The following PRKCH variants were observed in gnomAD, a reference collection of about 807,000 sequenced individuals.
PRKCH encodes the protein protein kinase C eta type.
Under a neutral mutation model 82.5 loss-of-function variants are expected in PRKCH, and 28 were observed. The observed-to-expected ratio is 0.34, with a 90% CI of 0.25 to 0.47. The LOEUF (loss-of-function observed/expected upper bound fraction) is 0.47. PRKCH is among the 20% of genes least tolerant of loss of function. PRKCH has a pLI of 1.00. For missense variants in PRKCH, 705 were observed against 881.8 expected (o/e 0.80, Z 2.54); for synonymous variants, 322 against 327.4 (o/e 0.98, Z 0.18).
intron 2 of PRKCH, among the ~76,000 whole-genome samples, chr14:61,413,414 GCCCC>G (rs375856230): frequency 0.02 from 1,128 of 57,254 alleles, 24 homozygotes; most frequent in African/African-American, 0.031. Flanking sequence ...CCCCCCCCCC[GCCCC>G]GCCCATGTAC....
In PRKCH at chr14:61,550,674, C is replaced by G. The variant is rs2043313639; in HGVS notation, c.*843C>G. The G allele has an allele frequency of 6.6e-6, 1 of 152,638 alleles. No homozygotes were observed. The highest frequency in any genetic ancestry group is 1.5e-5 in the Non-Finnish European group (1 of 68,044). The allele number at this position is 152,638 out of a possible 1,614,324, so 9.5% of individuals were successfully genotyped here. A position where few individuals can be genotyped will look rare whatever the true frequency, so the allele number is the denominator to read the frequency against. ...AGGGTCACTGCCACAACAGCACAGT[C>G]AGCGGGTGAATTACAGGTGCCTGCT... On this transcript the variant is annotated 3_prime_UTR_variant, in exon 14 of 14. Coordinates refer to ENST00000332981, the MANE Select transcript of PRKCH (RefSeq NM_006255.5).
chr14:61,451,383 AT>A (rs1394025316), intron 6 of PRKCH, among the ~76,000 whole-genome samples: 4 of 152,226 alleles, frequency 2.6e-5, no homozygotes. Context: ...AGGAGGTGAG[AT>A]GGCCAAATGA....
At chr14:61,456,496 C>T (rs1884773751) in intron 7 of PRKCH, among the ~76,000 whole-genome samples, 1 of 152,076 alleles carries the variant, frequency 6.6e-6, no homozygotes, top group Non-Finnish European at 1.5e-5. Context: ...ATGAAAAATA[C>T]CCAGGACAAA....
intron 1 of PRKCH, among the ~76,000 whole-genome samples, chr14:61,382,663 C>G (rs2046529615): frequency 6.6e-6 from 1 of 152,094 alleles, no homozygotes; most frequent in Non-Finnish European, 1.5e-5. Context: ...GCCATCCAGC[C>G]AAGAATTTGA....
intron 1 of PRKCH, among the ~76,000 whole-genome samples, chr14:61,210,308 G>A (rs900788600): frequency 6.6e-6 from 1 of 151,100 alleles, no homozygotes; most frequent in Non-Finnish European, 1.5e-5. Flanking sequence ...AGCTAGACTC[G>A]GTCTCAGAAA....
chr14:61,385,196 C>T (rs1200943414), intron 1 of PRKCH, among the ~76,000 whole-genome samples: 1 of 151,366 alleles, frequency 6.6e-6, no homozygotes, highest in Non-Finnish European at 1.5e-5. Context: ...CTGCCCTAGA[C>T]TCTGACCTCA....
At chr14:61,417,528 T>C (rs184701930) in intron 2 of PRKCH, among the ~76,000 whole-genome samples, 1 of 152,362 alleles carries the variant, frequency 6.6e-6, no homozygotes, top group Admixed American at 6.5e-5. Context: ...ACTAATCATA[T>C]ACTTAATGAC....
intron 1 of PRKCH, among the ~76,000 whole-genome samples, chr14:61,343,842 A>G (rs1380312579): frequency 2.0e-5 from 3 of 152,198 alleles, no homozygotes; most frequent in Admixed American, 6.5e-5. Flanking sequence ...TGAATCTTCT[A>G]TGTGGAAGTA....
upstream of PRKCH, among the ~76,000 whole-genome samples, chr14:61,318,210 C>CG (rs2140113536): frequency 6.6e-6 from 1 of 152,034 alleles, no homozygotes; most frequent in Non-Finnish European, 1.5e-5. Flanking sequence ...GTAGCTGAGA[C>CG]TACAGGAACC....
At chr14:61,388,209 C>A (rs1210162673) in intron 1 of PRKCH, among the ~76,000 whole-genome samples, 1 of 151,314 alleles carries the variant, frequency 6.6e-6, no homozygotes, top group Admixed American at 6.6e-5. Flanking sequence ...AAGTTGCTTT[C>A]ATGTCTCTCT....
chr14:61,521,520 A>G (rs895556305), intron 10 of PRKCH, among the ~76,000 whole-genome samples: 1 of 151,982 alleles, frequency 6.6e-6, no homozygotes, highest in Non-Finnish European at 1.5e-5. Flanking sequence ...CCATTGGGTG[A>G]TTCTGAATGT....
chr14:61,492,402 G>A (rs1228934209), intron 10 of PRKCH: 2 of 152,222 alleles, frequency 1.3e-5, no homozygotes, highest in South Asian at 2.1e-4. Context: ...CGTTGCTAAG[G>A]GCCAAGTTAT....
intron 7 of PRKCH, chr14:61,456,921 C>T (rs1300840401): frequency 2.7e-6 from 1 of 376,212 alleles, no homozygotes; most frequent in Non-Finnish European, 4.9e-6. Flanking sequence ...TGCACTTCCA[C>T]TTGAGCGCTA....
intron 10 of PRKCH, 154 bp from the exon 11 acceptor site, chr14:61,528,921 T>G: frequency 1.5e-6 from 1 of 658,748 alleles, no homozygotes. Flanking sequence ...ACAGAGAAGT[T>G]TGTTCCTTTT....
intron 1 of PRKCH, among the ~76,000 whole-genome samples, chr14:61,359,243 C>A (rs150661921): frequency 6.6e-6 from 1 of 152,150 alleles, no homozygotes; most frequent in Admixed American, 6.5e-5. Flanking sequence ...GGCAGTGCTG[C>A]GTATCAGAGG....
chr14:61,434,485 G>A (rs1393748561), intron 2 of PRKCH, among the ~76,000 whole-genome samples: 2 of 152,122 alleles, frequency 1.3e-5, no homozygotes, highest in Non-Finnish European at 2.9e-5. Flanking sequence ...AGAAGAAGTG[G>A]CAGCTAAAAG....
At chr14:61,377,513 C>T (rs1462698387) in intron 1 of PRKCH, among the ~76,000 whole-genome samples, 1 of 152,182 alleles carries the variant, frequency 6.6e-6, no homozygotes, top group African/African-American at 2.4e-5. Context: ...TTAGTGGCAA[C>T]AGAGATGGGC....
At chr14:61,250,872 G>A (rs1034603171) in intron 1 of PRKCH, among the ~76,000 whole-genome samples, 2 of 151,944 alleles carry the variant, frequency 1.3e-5, no homozygotes, top group African/African-American at 4.8e-5. Flanking sequence ...CAATTTTTCT[G>A]TAAACCTAAA....
At chr14:61,515,070 A>T (rs184817922) in intron 10 of PRKCH, among the ~76,000 whole-genome samples, 11 of 152,306 alleles carry the variant, frequency 7.2e-5, no homozygotes, top group Non-Finnish European at 1.5e-4. Context: ...TGAAAAATTT[A>T]AGAAGTCTGC....
Sources: allele counts gnomAD v4.1 joint callset (sites outside exome capture counted in the v4.1 genomes callset), GRCh38; gene constraint gnomAD v4.1.1; transcripts MANE v1.5; gene names NCBI Gene and HGNC (gene_info 2026-07-23, HGNC 2026-07-21).